The following PLEKHH2 variants were observed in gnomAD, a reference collection of about 807,000 sequenced individuals.
PLEKHH2 encodes pleckstrin homology, MyTH4 and FERM domain containing H2.
In PLEKHH2, 129 loss-of-function variants were observed where a neutral mutation model predicts 187.9. That is an observed-to-expected ratio of 0.69 (90% CI 0.59 to 0.79). The LOEUF (loss-of-function observed/expected upper bound fraction) is 0.79, where lower values mean the gene tolerates loss of function less well. PLEKHH2 is among the 30% of genes least tolerant of loss of function. The pLI, the probability that PLEKHH2 is intolerant of heterozygous loss-of-function variation, is 0.00. For synonymous variants in PLEKHH2, 686 were observed against 605.6 expected (o/e 1.13, Z -1.95); for missense variants, 2,076 against 1,751.2 (o/e 1.19, Z -3.31).
chr2:43,722,028 G>A (rs1044379183), intron 16 of PLEKHH2, among the ~76,000 whole-genome samples: 6 of 151,714 alleles, frequency 4.0e-5, no homozygotes, highest in Admixed American at 6.6e-5. Context: ...GCCACTGTAC[G>A]TGTTACAGGT....
At chr2:43,744,188 A>G in intron 23 of PLEKHH2, 199 bp downstream of exon 23, 1 of 1,165,696 alleles carries the variant, frequency 8.6e-7, no homozygotes, top group African/African-American at 1.5e-5. Flanking sequence ...CTACATATAC[A>G]CATTCCATAT....
chr2:43,723,335 G>T (rs1670574140), intron 16 of PLEKHH2, among the ~76,000 whole-genome samples: 1 of 152,140 alleles, frequency 6.6e-6, no homozygotes, highest in African/African-American at 2.4e-5. Flanking sequence ...TTACATCACA[G>T]AGGAGCCTTC....
Position 43,742,619 on chromosome 2 carries a change from G to C in PLEKHH2, c.3222-122G>C, listed in dbSNP as rs369014803. 1.2e-4 allele frequency: 78 copies of C among 673,702 alleles called. No homozygotes were observed. In the East Asian group the frequency reaches 2.4e-3, roughly 21 times the overall value. The allele number at this position is 673,702 out of a possible 1,614,324, so 41.7% of individuals were successfully genotyped here. ...AGTTTAGTATTATCATTCAAAAAAA[G>C]TTACTGTCAAAATTAGCCTAATACA... On this transcript the variant is annotated intron_variant, in intron 21 of 29. Transcript: ENST00000282406.
chr2:43,735,334 T>C (rs1490157173), intron 19 of PLEKHH2, among the ~76,000 whole-genome samples: 2 of 152,086 alleles, frequency 1.3e-5, no homozygotes, highest in African/African-American at 4.8e-5. Flanking sequence ...GAAAGACAAA[T>C]ATCTTATGTT....
At chr2:43,762,178 T>C in intron 27 of PLEKHH2, 126 bp from the exon 28 acceptor site, 1 of 709,430 alleles carries the variant, frequency 1.4e-6, no homozygotes, top group Non-Finnish European at 2.3e-6. Context: ...CTAGGCGAGA[T>C]TTTTAATAAA....
Position 43,712,371 on chromosome 2 carries a change from A to G in PLEKHH2, c.2448A>G (p.Gly816=), listed in dbSNP as rs1670010656. The change falls in exon 15 of 30, where the codon GGA becomes GGG. Residue 816 remains glycine, a synonymous_variant. Coordinates refer to ENST00000282406, the MANE Select transcript of PLEKHH2 (RefSeq NM_172069.4). Reference sequence around the variant, plus strand: ...CTGAGGGCAAACCCACCATGAAGGGATTGCTCACTAAGGTAGGAACCTCCT... The same window carrying G: ...CTGAGGGCAAACCCACCATGAAGGGGTTGCTCACTAAGGTAGGAACCTCCT... ...LQPEGKPTMK[G]LLTKVKHGYS... 1 of 1,613,984 alleles carries G rather than the reference A, an allele frequency of 6.2e-7. No individual in the cohort carries two copies. The highest frequency in any genetic ancestry group is 1.3e-5 in the African/African-American group (1 of 74,942).
intron 27 of PLEKHH2, 40 bp downstream of exon 27, chr2:43,759,069 T>A: frequency 6.3e-7 from 1 of 1,592,866 alleles, no homozygotes; most frequent in Non-Finnish European, 8.6e-7. Context: ...TGAAAACCTT[T>A]GTGTACATAG....
At chr2:43,699,386 TA>T (rs950593370) in intron 7 of PLEKHH2, among the ~76,000 whole-genome samples, 4 of 151,848 alleles carry the variant, frequency 2.6e-5, no homozygotes, top group African/African-American at 7.3e-5. Context: ...TTTATTCCTT[TA>T]AAAAAAATAG....
intron 20 of PLEKHH2, among the ~76,000 whole-genome samples, chr2:43,740,662 C>G (rs1263732939): frequency 2.0e-5 from 3 of 152,104 alleles, no homozygotes; most frequent in Non-Finnish European, 4.4e-5. Context: ...AAACAATGTT[C>G]CTAATCTTTG....
rs971958075 is a variant in PLEKHH2 at position 43,756,421 on chromosome 2, T to A, written c.3796-698T>A. Among the ~76,000 whole-genome samples, 3 of 152,056 alleles carry A rather than the reference T, an allele frequency of 2.0e-5. No homozygotes were observed. In the East Asian group the frequency reaches 5.8e-4, roughly 29 times the overall value. On this transcript the variant is annotated intron_variant, in intron 25 of 29. Transcript: ENST00000282406. ...GATTCTTCTGCCTCAGCCTCCCGAGTAGCTGGGATTACAGGTGCCTGCCAC... is the reference window on the plus strand; with the variant it reads ...GATTCTTCTGCCTCAGCCTCCCGAGAAGCTGGGATTACAGGTGCCTGCCAC...
chr2:43,692,604 T>A lies in PLEKHH2; in HGVS notation c.277T>A (p.Ser93Thr). 1 of 1,612,052 alleles carries A rather than the reference T, an allele frequency of 6.2e-7. No individual in the cohort carries two copies. Among genetic ancestry groups the A allele is most frequent in the Non-Finnish European group, 8.5e-7 (1 of 1,178,838 alleles). The change falls in exon 4 of 30, where the codon TCG (serine) becomes ACG (threonine). Residue 93 changes from serine (S) to threonine (T), a missense_variant. Ser to Thr is a moderately conservative substitution (Grantham distance 58, BLOSUM62 1). Transcript: ENST00000282406. ...ATATAATAAGTGTCAAGATCTGGAG[T>A]CGCTAATACAGGAAAAAGATGACGT... ...RLYNKCQDLE[S>T]LIQEKDDVIQ...
intron 1 of PLEKHH2, among the ~76,000 whole-genome samples, chr2:43,639,082 A>C (rs1379218516): frequency 6.6e-6 from 1 of 152,222 alleles, no homozygotes; most frequent in Admixed American, 6.5e-5. Context: ...TATATGTATG[A>C]TACTTTTCAT....
At position 43,699,730 on chromosome 2, in the gene PLEKHH2, G is replaced by T; in HGVS notation, c.772G>T (p.Gly258Cys). 6.2e-7 allele frequency: 1 copy of T among 1,614,208 alleles called. No individual in the cohort carries two copies. Among genetic ancestry groups the T allele is most frequent in the Non-Finnish European group, 8.5e-7 (1 of 1,180,046 alleles). ...GAGAACATTGCATCAAACCCCTTGTGGCTCAGAACAGAATCGGAAAACAAG... is the reference window on the plus strand; with the variant it reads ...GAGAACATTGCATCAAACCCCTTGTTGCTCAGAACAGAATCGGAAAACAAG... ...GQRTLHQTPC[G>C]SEQNRKTRTS... The change falls in exon 8 of 30, where the codon GGC (glycine) becomes TGC (cysteine). Residue 258 changes from glycine to cysteine, a missense_variant. Transcript: ENST00000282406.
chr2:43,718,569 A>G (rs1345231551), intron 15 of PLEKHH2, among the ~76,000 whole-genome samples: 3 of 152,110 alleles, frequency 2.0e-5, no homozygotes, highest in Admixed American at 2.0e-4. Flanking sequence ...TACAAGATTT[A>G]TGTATAAAGA....
rs1558584547 is a variant in PLEKHH2, at chr2:43,732,984, C to T, written c.2943+1382C>T. Among the ~76,000 whole-genome samples, 5 of 152,282 alleles carry T rather than the reference C, an allele frequency of 3.3e-5. No individual in the cohort carries two copies. In the South Asian group the frequency reaches 1.0e-3, roughly 32 times the overall value. ...TTTGGTCACATCCCCCTCAAACTCT[C>T]TACTTAAGAATACAGCAGAGAAACT... On this transcript the variant is annotated intron_variant, in intron 19 of 29. Coordinates refer to ENST00000282406, the MANE Select transcript of PLEKHH2 (RefSeq NM_172069.4).
intron 4 of PLEKHH2, among the ~76,000 whole-genome samples, chr2:43,693,253 A>T (rs1668909032): frequency 2.0e-5 from 3 of 152,218 alleles, no homozygotes. Context: ...GTAGTATTTA[A>T]GTTGGGAACA....
chr2:43,737,500 G>A (rs1009538223), intron 19 of PLEKHH2, among the ~76,000 whole-genome samples: 8 of 152,212 alleles, frequency 5.3e-5, no homozygotes, highest in Non-Finnish European at 1.0e-4. Flanking sequence ...TCTAGAAGCA[G>A]TTTAGCTGGG....
At chr2:43,764,397 T>G in intron 29 of PLEKHH2, 32 bp downstream of exon 29, 1 of 1,603,388 alleles carries the variant, frequency 6.2e-7, no homozygotes, top group South Asian at 1.1e-5. Flanking sequence ...AACTTTTTTG[T>G]CCTAGTTGTT....
rs760747919 is a variant in PLEKHH2, at chr2:43,731,502, G to A, written c.2843G>A (p.Trp948Ter). 8 of 1,591,116 alleles carry A rather than the reference G, an allele frequency of 5.0e-6. No individual in the cohort carries two copies. The South Asian group carries it at 5.6e-5, about 11-fold the overall frequency. The change falls in exon 19 of 30, where the codon TGG becomes TAG. Residue 948 changes from tryptophan to a stop codon, truncating the protein, a stop_gained. Transcript: ENST00000282406. LOFTEE classifies it high-confidence loss of function. ...NIDGEPSSQIWRHPTLCHSKE... is the reference protein window; with the variant it reads ...NIDGEPSSQI ...ATTCTGCATTTAGCCTCTCAGATAT[G>A]GAGACACCCCACTTTGTGTCACAGT...
Sources: allele counts gnomAD v4.1 joint callset (sites outside exome capture counted in the v4.1 genomes callset), GRCh38; gene constraint gnomAD v4.1.1; transcripts MANE v1.5; gene names NCBI Gene and HGNC (gene_info 2026-07-23, HGNC 2026-07-21).